The following CNTNAP2 variants were observed in gnomAD, a reference collection of about 807,000 sequenced individuals.
CNTNAP2 encodes the protein contactin-associated protein-like 2.
CNTNAP2 carries 98 observed loss-of-function variants against 155.2 expected under a neutral mutation model. The ratio of observed to expected loss-of-function variants is 0.63; its 90% CI spans 0.54 to 0.75. The LOEUF (loss-of-function observed/expected upper bound fraction) is 0.75, where lower values mean the gene tolerates loss of function less well. CNTNAP2 is among the 30% of genes least tolerant of loss of function. CNTNAP2 has a pLI of 0.00. For synonymous variants in CNTNAP2, 651 were observed against 631.2 expected (o/e 1.03, Z -0.47); for missense variants, 1,727 against 1,688.1 (o/e 1.02, Z -0.40).
intron 10 of CNTNAP2, among the ~76,000 whole-genome samples, chr7:147,470,892 A>G (rs970195609): frequency 6.6e-6 from 1 of 152,144 alleles, no homozygotes; most frequent in African/African-American, 2.4e-5. Flanking sequence ...CAAGCAGCCC[A>G]AGGTCGAGCT....
chr7:146,489,204 T>C (rs1797102982), intron 1 of CNTNAP2, among the ~76,000 whole-genome samples: 1 of 152,176 alleles, frequency 6.6e-6, no homozygotes, highest in African/African-American at 2.4e-5. Context: ...TATGTACAAA[T>C]ATAATGTATC....
chr7:146,151,676 A>ATGTATATG (rs1562969044), intron 1 of CNTNAP2, among the ~76,000 whole-genome samples: 4 of 41,348 alleles, frequency 9.7e-5, no homozygotes, highest in African/African-American at 4.1e-4. Context: ...ATATATATAT[A>ATGTATATG]TATATGTATA....
At chr7:148,225,707 A>G (rs1795834176) in intron 19 of CNTNAP2, among the ~76,000 whole-genome samples, 1 of 152,170 alleles carries the variant, frequency 6.6e-6, no homozygotes, top group South Asian at 2.1e-4. Context: ...AATCCCAGCA[A>G]AAGACACTGG....
intron 1 of CNTNAP2, among the ~76,000 whole-genome samples, chr7:146,291,882 G>T (rs1200186263): frequency 6.6e-6 from 1 of 152,004 alleles, no homozygotes; most frequent in African/African-American, 2.4e-5. Flanking sequence ...AGACAAATGA[G>T]ATTACATCAA....
At chr7:148,026,847 ATG>A (rs1802385467) in intron 15 of CNTNAP2, among the ~76,000 whole-genome samples, 1 of 152,206 alleles carries the variant, frequency 6.6e-6, no homozygotes, top group Non-Finnish European at 1.5e-5. Context: ...CCAAAACCTC[ATG>A]TTGTCAAAAC....
At chr7:147,244,789 T>C (rs1804020310) in intron 8 of CNTNAP2, among the ~76,000 whole-genome samples, 1 of 152,236 alleles carries the variant, frequency 6.6e-6, no homozygotes, top group African/African-American at 2.4e-5. Flanking sequence ...CTATTGCCCA[T>C]ATATTTTTTA....
chr7:147,918,092 G>T (rs1489517406), intron 14 of CNTNAP2, among the ~76,000 whole-genome samples: 1 of 152,128 alleles, frequency 6.6e-6, no homozygotes, highest in African/African-American at 2.4e-5. Flanking sequence ...CTTCCTGAGG[G>T]TCTCAAAGCA....
rs1158502990 is a variant in CNTNAP2, at chr7:146,524,801, A to C, written c.98-249470A>C. ...CACCTTTTTAAAGTAAACCATAGCAAATCACATGAAATAGTGCTTTCTTGA... is the reference window on the plus strand; with the variant it reads ...CACCTTTTTAAAGTAAACCATAGCACATCACATGAAATAGTGCTTTCTTGA... On this transcript the variant is annotated intron_variant, in intron 1 of 23. Coordinates refer to ENST00000361727, the MANE Select transcript of CNTNAP2 (RefSeq NM_014141.6). 2.6e-5 allele frequency among the ~76,000 whole-genome samples: 4 copies of C among 152,124 alleles called. No individual in the cohort carries two copies. The East Asian group carries it at 5.8e-4, about 22-fold the overall frequency.
intron 1 of CNTNAP2, among the ~76,000 whole-genome samples, chr7:146,642,525 A>C (rs1799729583): frequency 6.6e-6 from 1 of 151,740 alleles, no homozygotes; most frequent in Non-Finnish European, 1.5e-5. Flanking sequence ...TCCATGGTGT[A>C]TACGTGCCAC....
At chr7:147,743,371 G>T (rs1330782555) in intron 13 of CNTNAP2, among the ~76,000 whole-genome samples, 1 of 152,182 alleles carries the variant, frequency 6.6e-6, no homozygotes, top group Non-Finnish European at 1.5e-5. Context: ...GCTCATCTTT[G>T]ATCAGGGTCA....
intron 11 of CNTNAP2, among the ~76,000 whole-genome samples, chr7:147,508,611 C>G (rs1188169698): frequency 6.6e-6 from 1 of 152,184 alleles, no homozygotes; most frequent in African/African-American, 2.4e-5. Flanking sequence ...TGTCCCCACC[C>G]AAATCTCATA....
chr7:146,618,688 C>T (rs541647530), intron 1 of CNTNAP2, among the ~76,000 whole-genome samples: 42 of 152,254 alleles, frequency 2.8e-4, no homozygotes, highest in Admixed American at 8.5e-4. Flanking sequence ...TGACTTTAAT[C>T]TTGTTTTGTT....
intron 15 of CNTNAP2, among the ~76,000 whole-genome samples, chr7:148,079,622 C>A (rs1415583362): frequency 6.6e-6 from 1 of 152,176 alleles, no homozygotes; most frequent in Non-Finnish European, 1.5e-5. Context: ...TTTTTCCCCA[C>A]AAGAGACAGC....
intron 1 of CNTNAP2, among the ~76,000 whole-genome samples, chr7:146,525,648 TAA>T (rs1797680277): frequency 6.6e-6 from 1 of 152,088 alleles, no homozygotes; most frequent in Non-Finnish European, 1.5e-5. Context: ...GCTTATTATG[TAA>T]AATAAGATAT....
chr7:148,169,405 G>A (rs1805732869), intron 17 of CNTNAP2, among the ~76,000 whole-genome samples: 1 of 152,148 alleles, frequency 6.6e-6, no homozygotes. Flanking sequence ...CCTTTAAAAT[G>A]TATATGCCCT....
chr7:148,330,482 G>A (rs1300981466), intron 21 of CNTNAP2, among the ~76,000 whole-genome samples: 12 of 150,610 alleles, frequency 8.0e-5, no homozygotes, highest in Admixed American at 6.6e-5. Context: ...TGAAGTGGAC[G>A]GATGGAGTGG....
chr7:146,612,350 T>G (rs1366046030), intron 1 of CNTNAP2, among the ~76,000 whole-genome samples: 1 of 152,172 alleles, frequency 6.6e-6, no homozygotes, highest in African/African-American at 2.4e-5. Flanking sequence ...ATGTGAAAGA[T>G]TATTTCAGCT....
intron 23 of CNTNAP2, chr7:148,414,698 T>C (rs1302487660): frequency 6.6e-6 from 1 of 152,282 alleles, no homozygotes; most frequent in Non-Finnish European, 1.5e-5. Flanking sequence ...TTTAAAGCTT[T>C]TTCAGGACAG....
intron 8 of CNTNAP2, among the ~76,000 whole-genome samples, chr7:147,190,136 A>G (rs1224980185): frequency 6.6e-6 from 1 of 152,156 alleles, no homozygotes; most frequent in East Asian, 1.9e-4. Flanking sequence ...TCTGTCACAT[A>G]TAGAGCTGCA....
Sources: allele counts gnomAD v4.1 joint callset (sites outside exome capture counted in the v4.1 genomes callset), GRCh38; gene constraint gnomAD v4.1.1; transcripts MANE v1.5; gene names NCBI Gene and HGNC (gene_info 2026-07-23, HGNC 2026-07-21).